PCDHA5: variants seen among roughly 807,000 people sequenced by gnomAD.
PCDHA5 encodes protocadherin alpha 5.
In PCDHA5, 43 loss-of-function variants were observed where a neutral mutation model predicts 61.6. The ratio of observed to expected loss-of-function variants is 0.70; its 90% CI spans 0.55 to 0.90. The LOEUF (loss-of-function observed/expected upper bound fraction) is 0.90. PCDHA5 is among the 40% of genes least tolerant of loss of function. PCDHA5 has a pLI of 0.00. For synonymous variants in PCDHA5, 627 were observed against 543.9 expected (o/e 1.15, Z -2.13); for missense variants, 1,298 against 1,222.7 (o/e 1.06, Z -0.92).
rs1440193758 is a variant in PCDHA5 at position 140,844,281 on chromosome 5, T to C, written c.2352+20154T>C. ...AGTGATAAAATACAGAATGATAGTG[T>C]TTTTCAAAATTTGATAGTTTTCATA... On this transcript the variant is annotated intron_variant, in intron 1 of 3. Coordinates refer to ENST00000529859, the MANE Select transcript of PCDHA5 (RefSeq NM_018908.3). Among the ~76,000 whole-genome samples the C allele has an allele frequency of 1.3e-5, 2 of 149,114 alleles. 1 individual carries two copies. Among genetic ancestry groups the C allele is most frequent in the Non-Finnish European group, 3.0e-5 (2 of 66,432 alleles).
intron 1 of PCDHA5, chr5:140,829,570 G>A (rs2150170338): frequency 1.2e-6 from 2 of 1,612,580 alleles, no homozygotes; most frequent in East Asian, 2.2e-5. Context: ...TGTCCTACTC[G>A]CTGGTGGAGC....
intron 1 of PCDHA5, among the ~76,000 whole-genome samples, chr5:140,939,959 G>A (rs1272327380): frequency 6.6e-6 from 1 of 152,150 alleles, no homozygotes; most frequent in Non-Finnish European, 1.5e-5. Flanking sequence ...TTATGTTAAA[G>A]TGTTCCACGA....
chr5:140,986,218 T>A (rs2153838096), intron 3 of PCDHA5, among the ~76,000 whole-genome samples: 1 of 152,304 alleles, frequency 6.6e-6, no homozygotes, highest in Non-Finnish European at 1.5e-5. Flanking sequence ...GGCCCCTTTC[T>A]CTAGCCTCCC....
intron 1 of PCDHA5, among the ~76,000 whole-genome samples, chr5:140,844,660 A>G (rs1779489979): frequency 1.3e-5 from 2 of 149,622 alleles, no homozygotes; most frequent in African/African-American, 4.9e-5. Flanking sequence ...TGCAAACCAA[A>G]CATATAATTT....
chr5:140,946,031 G>A (rs1275615718), intron 1 of PCDHA5, among the ~76,000 whole-genome samples: 2 of 151,984 alleles, frequency 1.3e-5, no homozygotes, highest in African/African-American at 2.4e-5. Flanking sequence ...AAGAAAACAA[G>A]AGTGAAGGGA....
In PCDHA5 at chr5:140,838,075, ATAGTGTGTGTGTGTGTGT is replaced by A. The variant is rs1389630911; in HGVS notation, c.2352+13949_2352+13966del. ...GTTTTCCACTTTAAGTTATATATAT[ATAGTGTGTGTGTGTGTGT>A]GTGTGTGTGTGTGTGTGTGTGTGTG... On this transcript the variant is annotated intron_variant, in intron 1 of 3. Coordinates refer to ENST00000529859, the MANE Select transcript of PCDHA5 (RefSeq NM_018908.3). Among the ~76,000 whole-genome samples the A allele has an allele frequency of 3.2e-3, 416 of 128,230 alleles. 8 individuals are homozygous for A. The highest frequency in any genetic ancestry group is 9.2e-3 in the African/African-American group (302 of 32,656). The allele number at this position is 128,230 out of a possible 152,430, so 84.1% of individuals were successfully genotyped here.
In PCDHA5 at chr5:140,927,516, C is replaced by T. The variant is rs782661477; in HGVS notation, c.2353-51433C>T. 3.1e-6 allele frequency: 5 copies of T among 1,613,948 alleles called. No homozygotes were observed. The South Asian group carries it at 4.4e-5, about 14-fold the overall frequency. Reference sequence around the variant, plus strand: ...TGCTGGTGCTTACAGCTCGGGACGGCGGGCTACCTGCCCGCTCAGGAGACG... The same window carrying T: ...TGCTGGTGCTTACAGCTCGGGACGGTGGGCTACCTGCCCGCTCAGGAGACG... On this transcript the variant is annotated intron_variant, in intron 1 of 3. Transcript: ENST00000529859.
intron 1 of PCDHA5, among the ~76,000 whole-genome samples, chr5:140,950,741 C>A (rs149114023): frequency 1.3e-5 from 2 of 152,006 alleles, no homozygotes; most frequent in African/African-American, 4.8e-5. Flanking sequence ...ATCCTAATTT[C>A]TCTCTATCCT....
At chr5:140,830,610 T>A in intron 1 of PCDHA5, 1 of 618,590 alleles carries the variant, frequency 1.6e-6, no homozygotes, top group Non-Finnish European at 2.5e-6. Context: ...ATATTTTCAT[T>A]TTATTGTGTT....
At position 140,871,554 on chromosome 5, in the gene PCDHA5, T is replaced by G. The variant is rs1554165730; in HGVS notation, c.2352+47427T>G. On this transcript the variant is annotated intron_variant, in intron 1 of 3. Transcript: ENST00000529859. The stretch of plus-strand genomic sequence containing the variant: ...GTATGTGAAATTATTTAAAATCCAG[T>G]TTTTTTTCACGGATTTTTTAAGGGA... 18 of 1,487,284 alleles carry G rather than the reference T, an allele frequency of 1.2e-5. 1 individual carries two copies. The highest frequency in any genetic ancestry group is 1.8e-4 in the Middle Eastern group (1 of 5,534). The allele number at this position is 1,487,284 out of a possible 1,614,324, so 92.1% of individuals were successfully genotyped here.
chr5:140,850,923 A>AT lies in PCDHA5; in HGVS notation c.2352+26804dup, dbSNP rs2150502772. On this transcript the variant is annotated intron_variant, in intron 1 of 3. Coordinates refer to ENST00000529859, the MANE Select transcript of PCDHA5 (RefSeq NM_018908.3). ...TTCTAGCATTTTATTTATTTATATA[A>AT]TTTTTTTTCTTGAAAGATATTATCG... 4.0e-5 allele frequency: 61 copies of AT among 1,521,758 alleles called. 2 individuals are homozygous for AT. Among genetic ancestry groups the AT allele is most frequent in the Middle Eastern group, 2.1e-4 (1 of 4,736 alleles). The allele number at this position is 1,521,758 out of a possible 1,614,324, so 94.3% of individuals were successfully genotyped here. A position where few individuals can be genotyped will look rare whatever the true frequency, so the allele number is the denominator to read the frequency against.
chr5:140,854,880 T>C (rs1244023349), intron 1 of PCDHA5, among the ~76,000 whole-genome samples: 4 of 150,006 alleles, frequency 2.7e-5, no homozygotes, highest in African/African-American at 9.8e-5. Flanking sequence ...CTGTGTCTTT[T>C]GGGCATTTGA....
chr5:140,887,391 C>T lies in PCDHA5; in HGVS notation c.2352+63264C>T, dbSNP rs181873563. ...GATTACAGGTGTGAGCCACCGCGCC[C>T]GGCTCTTTATCTCATTTTTATTTTT... On this transcript the variant is annotated intron_variant, in intron 1 of 3. Coordinates refer to ENST00000529859, the MANE Select transcript of PCDHA5 (RefSeq NM_018908.3). Among the ~76,000 whole-genome samples, 23 of 152,222 alleles carry T rather than the reference C, an allele frequency of 1.5e-4. 1 individual carries two copies. Among genetic ancestry groups the T allele is most frequent in the African/African-American group, 4.8e-4 (20 of 41,540 alleles).
chr5:140,964,139 A>G (rs1396740282), intron 1 of PCDHA5, among the ~76,000 whole-genome samples: 1 of 152,242 alleles, frequency 6.6e-6, no homozygotes, highest in Non-Finnish European at 1.5e-5. Flanking sequence ...TAAGGTTGGC[A>G]GGAGCCTCAG....
At chr5:140,929,503 G>A in intron 1 of PCDHA5, 1 of 886,378 alleles carries the variant, frequency 1.1e-6, no homozygotes, top group Non-Finnish European at 1.6e-6. Context: ...ATTGCCCTAG[G>A]CCTCAAGGGA....
intron 3 of PCDHA5, among the ~76,000 whole-genome samples, chr5:140,999,639 T>C (rs1554256919): frequency 6.6e-6 from 1 of 152,144 alleles, no homozygotes; most frequent in African/African-American, 2.4e-5. Context: ...TAGAGAAAAC[T>C]GTGCAGCCTG....
intron 1 of PCDHA5, chr5:140,830,024 C>T (rs2150179853): frequency 6.2e-7 from 1 of 1,613,946 alleles, no homozygotes; most frequent in Admixed American, 1.7e-5. Context: ...CTCTCCGCGC[C>T]ACCGGCTGCT....
chr5:140,931,759 T>C (rs2087738384), intron 1 of PCDHA5, among the ~76,000 whole-genome samples: 2 of 151,994 alleles, frequency 1.3e-5, no homozygotes, highest in African/African-American at 4.8e-5. Flanking sequence ...GCATTTGTTA[T>C]TTACTTCTTC....
At chr5:140,946,634 A>ATATATAT (rs1554217761) in intron 1 of PCDHA5, among the ~76,000 whole-genome samples, 3 of 147,376 alleles carry the variant, frequency 2.0e-5, no homozygotes, top group African/African-American at 5.1e-5. Context: ...ATATATATAC[A>ATATATAT]ATGGAATACT....
Sources: gnomAD v4.1 joint callset for allele counts (sites outside exome capture counted in the v4.1 genomes callset) on GRCh38, gnomAD v4.1.1 for gene constraint, MANE v1.5 for transcripts, NCBI Gene and HGNC (gene_info 2026-07-23, HGNC 2026-07-21) for gene names.